FRMD4A: variants seen among roughly 807,000 people sequenced by gnomAD.
FRMD4A encodes the protein FERM domain-containing protein 4A.
FRMD4A carries 29 observed loss-of-function variants against 129.1 expected under a neutral mutation model. The observed-to-expected ratio is 0.22, with a 90% CI of 0.17 to 0.31. The LOEUF is 0.31. Among genes scored for constraint, FRMD4A ranks in the 10% least tolerant of loss-of-function variants. The pLI is 1.00. For synonymous variants in FRMD4A, 634 were observed against 571.6 expected, an observed-to-expected ratio of 1.11 and a Z score of -1.56; for missense variants, 1,272 against 1,375.8, an observed-to-expected ratio of 0.92 and a Z score of 1.19.
At chr10:14,028,070 G>C (rs189288330) in intron 2 of FRMD4A, among the ~76,000 whole-genome samples, 3 of 152,320 alleles carry the variant, frequency 2.0e-5, no homozygotes, top group East Asian at 1.9e-4. Context: ...CATGGTGAAG[G>C]CTGGCTTGGG....
chr10:14,194,745 A>G (rs1226381615), intron 2 of FRMD4A, among the ~76,000 whole-genome samples: 1 of 152,074 alleles, frequency 6.6e-6, no homozygotes, highest in African/African-American at 2.4e-5. Flanking sequence ...TATCTCCTTA[A>G]AGCACGTAAA....
At chr10:13,883,147 G>C (rs2094566569) in intron 2 of FRMD4A, among the ~76,000 whole-genome samples, 2 of 152,094 alleles carry the variant, frequency 1.3e-5, no homozygotes, top group Admixed American at 1.3e-4. Context: ...TTCTCTAGGA[G>C]CGTGGTCAGT....
At chr10:13,931,240 C>T (rs188944511) in intron 2 of FRMD4A, among the ~76,000 whole-genome samples, 57 of 152,254 alleles carry the variant, frequency 3.7e-4, no homozygotes, top group African/African-American at 1.3e-3. Context: ...CAGTGAGTTG[C>T]CCAAAGTCCC....
chr10:14,048,217 C>T (rs868397051), intron 2 of FRMD4A, among the ~76,000 whole-genome samples: 4 of 152,240 alleles, frequency 2.6e-5, no homozygotes, highest in Middle Eastern at 3.4e-3. Context: ...TGACAGGACC[C>T]GGAGTGGTCC....
chr10:14,117,965 A>G (rs956603222), intron 2 of FRMD4A, among the ~76,000 whole-genome samples: 2 of 152,126 alleles, frequency 1.3e-5, no homozygotes, highest in African/African-American at 4.8e-5. Flanking sequence ...ATTTAGGGTC[A>G]CCTGGAAGCC....
At chr10:14,050,868 C>T (rs1285133606) in intron 2 of FRMD4A, among the ~76,000 whole-genome samples, 1 of 152,182 alleles carries the variant, frequency 6.6e-6, no homozygotes, top group Non-Finnish European at 1.5e-5. Context: ...CATTTGGCTG[C>T]TTCTTTATAA....
At chr10:14,086,681 T>C (rs556468295) in intron 2 of FRMD4A, among the ~76,000 whole-genome samples, 1 of 152,350 alleles carries the variant, frequency 6.6e-6, no homozygotes, top group East Asian at 1.9e-4. Flanking sequence ...GAAAACCTTT[T>C]ATGACTCAAT....
intron 2 of FRMD4A, among the ~76,000 whole-genome samples, chr10:13,937,021 C>G (rs988948635): frequency 1.3e-5 from 2 of 152,226 alleles, no homozygotes; most frequent in Non-Finnish European, 2.9e-5. Flanking sequence ...CATTGCCCTT[C>G]TGGCTGGGCT....
intron 2 of FRMD4A, among the ~76,000 whole-genome samples, chr10:13,972,572 T>C (rs1372233658): frequency 2.0e-5 from 3 of 152,140 alleles, no homozygotes. Context: ...GGTTACTTCC[T>C]ATAAACCGTC....
chr10:14,185,481 T>A (rs1443881443), intron 2 of FRMD4A, among the ~76,000 whole-genome samples: 2 of 152,222 alleles, frequency 1.3e-5, no homozygotes, highest in African/African-American at 4.8e-5. Flanking sequence ...ATTACAACAT[T>A]TTGTAATTTT....
At chr10:13,672,150 C>T (rs532663963) in intron 16 of FRMD4A, among the ~76,000 whole-genome samples, 3 of 152,204 alleles carry the variant, frequency 2.0e-5, no homozygotes, top group Non-Finnish European at 2.9e-5. Flanking sequence ...ACACATACTC[C>T]GTCACTCGCC....
intron 3 of FRMD4A, among the ~76,000 whole-genome samples, chr10:13,818,795 T>G (rs931962459): frequency 2.6e-5 from 4 of 152,184 alleles, no homozygotes; most frequent in Non-Finnish European, 5.9e-5. Flanking sequence ...GTTACTTGTA[T>G]TCATTATTTC....
At chr10:13,925,614 C>A in intron 2 of FRMD4A, among the ~76,000 whole-genome samples, 1 of 98,330 alleles carries the variant, frequency 1.0e-5, no homozygotes, top group Non-Finnish European at 1.9e-5. Flanking sequence ...GATGGAGTCT[C>A]ACTCCGTTGC....
chr10:14,312,792 A>G (rs1262713794), intron 2 of FRMD4A, among the ~76,000 whole-genome samples: 2 of 151,962 alleles, frequency 1.3e-5, no homozygotes, highest in African/African-American at 4.8e-5. Context: ...CCTGAGCCTG[A>G]GAGATGGAGG....
In FRMD4A at chr10:13,854,824, G is replaced by T. The variant is rs562104791; in HGVS notation, c.111+4023C>A. Among the ~76,000 whole-genome samples the T allele has an allele frequency of 1.2e-4, 18 of 152,228 alleles. No individual in the cohort carries two copies. The South Asian group carries it at 3.5e-3, about 30-fold the overall frequency. On this transcript the variant is annotated intron_variant, in intron 3 of 24. Transcript: ENST00000357447. ...TGCTGTCTGTGGGCTGAACTGCAGG[G>T]CAATCTGTCTATGCAACCTGCATGT...
intron 2 of FRMD4A, among the ~76,000 whole-genome samples, chr10:13,964,289 C>A (rs1046131554): frequency 2.0e-5 from 3 of 152,050 alleles, no homozygotes; most frequent in African/African-American, 7.2e-5. Context: ...CACTAACAAA[C>A]GAACAACATC....
At chr10:14,169,448 C>T (rs930810869) in intron 2 of FRMD4A, among the ~76,000 whole-genome samples, 4 of 152,286 alleles carry the variant, frequency 2.6e-5, no homozygotes, top group Admixed American at 2.6e-4. Flanking sequence ...CACCCTTTTC[C>T]TATGGTGGAT....
intron 2 of FRMD4A, among the ~76,000 whole-genome samples, chr10:14,096,195 A>G (rs1564286868): frequency 1.3e-5 from 2 of 152,206 alleles, no homozygotes; most frequent in Non-Finnish European, 2.9e-5. Context: ...TGTCCTTATA[A>G]AACAGGCTGG....
chr10:14,311,418 A>G (rs776914878), intron 2 of FRMD4A, among the ~76,000 whole-genome samples: 1 of 152,202 alleles, frequency 6.6e-6, no homozygotes, highest in African/African-American at 2.4e-5. Flanking sequence ...ATCCCAGAAC[A>G]TGAGCCATCT....
Sources: allele counts gnomAD v4.1 joint callset (sites outside exome capture counted in the v4.1 genomes callset), GRCh38; gene constraint gnomAD v4.1.1; transcripts MANE v1.5; gene names NCBI Gene and HGNC (gene_info 2026-07-23, HGNC 2026-07-21).